The following KCNN3 variants were observed in gnomAD, a reference collection of about 807,000 sequenced individuals.
The protein encoded by KCNN3 is small conductance calcium-activated potassium channel protein 3.
Under a neutral mutation model 62.9 loss-of-function variants are expected in KCNN3, and 16 were observed. The ratio of observed to expected loss-of-function variants is 0.25; its 90% CI spans 0.17 to 0.39. KCNN3 has a LOEUF of 0.39. Ranked by LOEUF, KCNN3 falls within the 10% of genes least tolerant of loss-of-function variation. KCNN3 has a pLI of 1.00. For synonymous variants in KCNN3, 370 were observed against 389.2 expected (o/e 0.95, Z 0.58); for missense variants, 599 against 949.4 (o/e 0.63, Z 4.85).
chr1:154,732,904 C>T, intron 4 of KCNN3, 99 bp downstream of exon 4: 5 of 1,368,102 alleles, frequency 3.7e-6, no homozygotes, highest in African/African-American at 1.4e-5. Context: ...ACAGCCACCC[C>T]CCGCTCTGCG....
chr1:154,784,424 C>A (rs765420178), intron 2 of KCNN3, among the ~76,000 whole-genome samples: 1 of 152,218 alleles, frequency 6.6e-6, no homozygotes. Context: ...TTACCAGTAA[C>A]CCCTAAGCTT....
intron 2 of KCNN3, among the ~76,000 whole-genome samples, chr1:154,773,622 T>C (rs1025791756): frequency 6.6e-6 from 1 of 152,224 alleles, no homozygotes; most frequent in Non-Finnish European, 1.5e-5. Flanking sequence ...CCAGTGTCCA[T>C]TGGAGAATTG....
chr1:154,731,819 T>G (rs1362285801), intron 4 of KCNN3, among the ~76,000 whole-genome samples: 2 of 151,992 alleles, frequency 1.3e-5, no homozygotes, highest in Non-Finnish European at 2.9e-5. Context: ...CCTGACCACT[T>G]CTCACCCCGC....
chr1:154,807,410 A>G (rs779916748), intron 2 of KCNN3, among the ~76,000 whole-genome samples: 21 of 152,198 alleles, frequency 1.4e-4, no homozygotes, highest in South Asian at 1.0e-3. Flanking sequence ...TTTTGAGCCC[A>G]CTTAACACTC....
At chr1:154,822,301 C>T in intron 1 of KCNN3, 117 bp from the exon 2 acceptor site, 3 of 785,930 alleles carry the variant, frequency 3.8e-6, no homozygotes, top group Admixed American at 2.0e-5. Context: ...TTACCAGCCC[C>T]TCCTAGGAGC....
Position 154,766,416 on chromosome 1 carries a change from T to TTAAATATATATATATATATATA in KCNN3, c.1448+5558_1448+5559insTATATATATATATATATATTTA, listed in dbSNP as rs1553231995. Reference sequence around the variant, plus strand: ...CCATTTATTAAATACTAGCCAGGCTTTATATATATATATATATATATATAT... The same window carrying TTAAATATATATATATATATATA: ...CCATTTATTAAATACTAGCCAGGCTTTAAATATATATATATATATATATATATATATATATATATATATATAT... On this transcript the variant is annotated intron_variant, in intron 3 of 7. Transcript: ENST00000271915. 6.0e-3 allele frequency among the ~76,000 whole-genome samples: 430 copies of TTAAATATATATATATATATATA among 71,772 alleles called. 38 individuals carry two copies. Among genetic ancestry groups the TTAAATATATATATATATATATA allele is most frequent in the Middle Eastern group, 0.012 (1 of 82 alleles). 47.1% of individuals were successfully genotyped at this position (71,772 alleles called of 152,430 possible).
intron 1 of KCNN3, among the ~76,000 whole-genome samples, chr1:154,850,708 C>T (rs1394180616): frequency 6.6e-6 from 1 of 152,194 alleles, no homozygotes; most frequent in Non-Finnish European, 1.5e-5. Flanking sequence ...CCCCAACATC[C>T]CTGTGGAGTT....
Position 154,707,729 on chromosome 1 carries a change from C to T in KCNN3, c.*247G>A. The T allele has an allele frequency of 4.1e-6, 2 of 485,398 alleles. No individual in the cohort carries two copies. The highest frequency in any genetic ancestry group is 7.3e-6 in the Non-Finnish European group (2 of 275,376). The allele number at this position is 485,398 out of a possible 1,614,324, so 30.1% of individuals were successfully genotyped here. A position where few individuals can be genotyped will look rare whatever the true frequency, so the allele number is the denominator to read the frequency against. Reference sequence around the variant, plus strand: ...CACCAACTCTGCAGCAAGGGCCCTGCCAGAGGCGTCGCTTCCTGTCATCTC... The same window carrying T: ...CACCAACTCTGCAGCAAGGGCCCTGTCAGAGGCGTCGCTTCCTGTCATCTC... On this transcript the variant is annotated 3_prime_UTR_variant, in exon 8 of 8. Transcript: ENST00000271915.
rs114280101 is a variant in KCNN3 at position 154,857,301 on chromosome 1, G to A, written c.933+11731C>T. ...AGAGCTGCGGCAAGAACACTAGGAC[G>A]CATGCTGTTGAGGGCTCGGGTGGCC... is the stretch of plus-strand genomic sequence containing the variant. On this transcript the variant is annotated intron_variant, in intron 1 of 7. Transcript: ENST00000271915. Among the ~76,000 whole-genome samples the A allele has an allele frequency of 4.4e-3, 665 of 152,340 alleles. 5 individuals carry two copies. The highest frequency in any genetic ancestry group is 0.015 in the African/African-American group (620 of 41,570).
At chr1:154,810,191 G>A in intron 2 of KCNN3, among the ~76,000 whole-genome samples, 1 of 152,180 alleles carries the variant, frequency 6.6e-6, no homozygotes, top group East Asian at 1.9e-4. Context: ...TATGGGCGGG[G>A]AAACAGGAAG....
chr1:154,741,963 C>T (rs1259567336), intron 3 of KCNN3, among the ~76,000 whole-genome samples: 1 of 152,264 alleles, frequency 6.6e-6, no homozygotes, highest in African/African-American at 2.4e-5. Flanking sequence ...GCCAACAACA[C>T]GTACCTGGCT....
intron 1 of KCNN3, among the ~76,000 whole-genome samples, chr1:154,843,855 G>T (rs1479164226): frequency 6.6e-6 from 1 of 152,224 alleles, no homozygotes; most frequent in Non-Finnish European, 1.5e-5. Context: ...TGACCCAGGG[G>T]ACTTTCAGGG....
At chr1:154,790,798 A>G (rs764252592) in intron 2 of KCNN3, among the ~76,000 whole-genome samples, 1 of 152,244 alleles carries the variant, frequency 6.6e-6, no homozygotes, top group Non-Finnish European at 1.5e-5. Context: ...AGTTTTAGAC[A>G]TCCACCAGGG....
At chr1:154,814,168 G>C (rs1019975815) in intron 2 of KCNN3, among the ~76,000 whole-genome samples, 1 of 152,248 alleles carries the variant, frequency 6.6e-6, no homozygotes, top group African/African-American at 2.4e-5. Context: ...CAGATGCCAG[G>C]TCTGTGGGCT....
chr1:154,864,093 G>A (rs1247120909), intron 1 of KCNN3, among the ~76,000 whole-genome samples: 1 of 152,228 alleles, frequency 6.6e-6, no homozygotes, highest in Non-Finnish European at 1.5e-5. Context: ...TGTGACCTGT[G>A]AAGACAAAAT....
At chr1:154,714,319 GGTGT>G (rs1182972287) in intron 6 of KCNN3, among the ~76,000 whole-genome samples, 1 of 55,178 alleles carries the variant, frequency 1.8e-5, no homozygotes, top group Non-Finnish European at 3.5e-5. Context: ...GTTTGTGTGA[GGTGT>G]GTGTGTGTGG....
intron 1 of KCNN3, among the ~76,000 whole-genome samples, chr1:154,840,811 G>A (rs1651791548): frequency 6.6e-6 from 1 of 152,266 alleles, no homozygotes; most frequent in African/African-American, 2.4e-5. Flanking sequence ...GTACCAGGGA[G>A]CAGAGTGGAG....
At chr1:154,804,189 T>C (rs1557984319) in intron 2 of KCNN3, among the ~76,000 whole-genome samples, 1 of 152,198 alleles carries the variant, frequency 6.6e-6, no homozygotes. Context: ...GTGAGGGGCA[T>C]TTGCAGCAGG....
At chr1:154,798,366 G>A (rs1432629610) in intron 2 of KCNN3, among the ~76,000 whole-genome samples, 1 of 152,198 alleles carries the variant, frequency 6.6e-6, no homozygotes, top group Non-Finnish European at 1.5e-5. Context: ...CCCATTCACA[G>A]ATGAGGAGAA....
Sources: gnomAD v4.1 joint callset for allele counts (sites outside exome capture counted in the v4.1 genomes callset) on GRCh38, gnomAD v4.1.1 for gene constraint, MANE v1.5 for transcripts, NCBI Gene and HGNC (gene_info 2026-07-23, HGNC 2026-07-21) for gene names.